The following PIEZO2 variants were observed in gnomAD, a reference collection of about 807,000 sequenced individuals.
PIEZO2 encodes piezo type mechanosensitive ion channel component 2.
PIEZO2 carries 172 observed loss-of-function variants against 337.3 expected under a neutral mutation model. The observed-to-expected ratio is 0.51, with a 90% confidence interval of 0.45 to 0.58. PIEZO2 has a LOEUF of 0.58. PIEZO2 is among the 20% of genes least tolerant of loss of function. The probability of loss-of-function intolerance (pLI) is 0.00; values close to 1 mark genes in which losing one functional copy is unlikely to be tolerated. For synonymous variants in PIEZO2, 1,251 were observed against 1,228.5 expected (o/e 1.02, Z -0.38); for missense variants, 3,028 against 3,391.3 (o/e 0.89, Z 2.66).
chr18:10,730,803 T>C (rs1220446560), intron 36 of PIEZO2, among the ~76,000 whole-genome samples: 1 of 152,200 alleles, frequency 6.6e-6, no homozygotes, highest in Non-Finnish European at 1.5e-5. Flanking sequence ...CTTGGCTCAC[T>C]GCAAGCTCCG....
intron 32 of PIEZO2, 23 bp downstream of exon 32, chr18:10,742,471 A>C: frequency 6.5e-7 from 1 of 1,536,906 alleles, no homozygotes; most frequent in Non-Finnish European, 8.7e-7. Context: ...AAACTTGAAT[A>C]AGAGGAAAAT....
intron 1 of PIEZO2, among the ~76,000 whole-genome samples, chr18:11,087,128 G>A (rs2038940669): frequency 6.6e-6 from 1 of 152,148 alleles, no homozygotes; most frequent in African/African-American, 2.4e-5. Context: ...ACCCTGTGAG[G>A]ACACAGCAAG....
chr18:11,093,165 T>A (rs2039149179), intron 1 of PIEZO2, among the ~76,000 whole-genome samples: 1 of 152,138 alleles, frequency 6.6e-6, no homozygotes, highest in African/African-American at 2.4e-5. Context: ...CTTTTCTCTC[T>A]CAATTATATA....
chr18:10,882,196 G>A (rs1418286784), intron 4 of PIEZO2, among the ~76,000 whole-genome samples: 4 of 152,210 alleles, frequency 2.6e-5, no homozygotes, highest in South Asian at 2.1e-4. Context: ...GGCTGATTCC[G>A]TGACCATGGC....
intron 4 of PIEZO2, among the ~76,000 whole-genome samples, chr18:10,901,759 A>C (rs921136485): frequency 6.6e-6 from 1 of 152,154 alleles, no homozygotes; most frequent in Non-Finnish European, 1.5e-5. Flanking sequence ...ATTCTTATCA[A>C]ATGGGGGCAA....
At chr18:11,108,065 C>T (rs183611504) in intron 1 of PIEZO2, among the ~76,000 whole-genome samples, 4 of 152,162 alleles carry the variant, frequency 2.6e-5, no homozygotes, top group African/African-American at 7.2e-5. Flanking sequence ...TAACTCAATA[C>T]AAGAGTTAGG....
chr18:10,801,171 T>A (rs1332897405), intron 10 of PIEZO2, among the ~76,000 whole-genome samples: 2 of 152,262 alleles, frequency 1.3e-5, no homozygotes, highest in Non-Finnish European at 1.5e-5. Context: ...AAAACACTTT[T>A]TAAAAAGCCC....
intron 1 of PIEZO2, among the ~76,000 whole-genome samples, chr18:11,123,100 T>C (rs1708694446): frequency 6.6e-6 from 1 of 152,184 alleles, no homozygotes; most frequent in Non-Finnish European, 1.5e-5. Flanking sequence ...ATAACAGCTC[T>C]AAAATCATTC....
chr18:11,006,689 T>C (rs1253778387), intron 2 of PIEZO2, among the ~76,000 whole-genome samples: 1 of 152,056 alleles, frequency 6.6e-6, no homozygotes, highest in African/African-American at 2.4e-5. Context: ...TTCCTTTCTT[T>C]CCTCCTCCCC....
intron 1 of PIEZO2, among the ~76,000 whole-genome samples, chr18:11,138,462 A>C (rs2040551015): frequency 6.6e-6 from 1 of 152,084 alleles, no homozygotes; most frequent in Non-Finnish European, 1.5e-5. Context: ...CACCCAGCTA[A>C]TTTTTGTATT....
chr18:10,837,506 T>G lies in PIEZO2; in HGVS notation c.917+17847A>C, dbSNP rs2041052642. ...ACCACCATGCACATCCTTTAGAATGTTGGGGCCAGCAAGAAAGCTTGAGAA... is the reference window on the plus strand; with the variant it reads ...ACCACCATGCACATCCTTTAGAATGGTGGGGCCAGCAAGAAAGCTTGAGAA... On this transcript the variant is annotated intron_variant, in intron 7 of 55. Transcript: ENST00000674853. This position sits in a 1 kb window ranked among gnomAD's most constrained non-coding sequence, Gnocchi z 4.4. 6.6e-6 allele frequency among the ~76,000 whole-genome samples: 1 copy of G among 152,158 alleles called. No individual in the cohort carries two copies. Among genetic ancestry groups the G allele is most frequent in the Non-Finnish European group, 1.5e-5 (1 of 68,028 alleles).
At chr18:11,121,131 T>C (rs2040018506) in intron 1 of PIEZO2, among the ~76,000 whole-genome samples, 1 of 152,074 alleles carries the variant, frequency 6.6e-6, no homozygotes, top group African/African-American at 2.4e-5. Flanking sequence ...TGCACGCCTG[T>C]AGTTCCACCT....
chr18:10,913,259 A>C (rs1177752615), intron 3 of PIEZO2, among the ~76,000 whole-genome samples: 1 of 152,182 alleles, frequency 6.6e-6, no homozygotes, highest in African/African-American at 2.4e-5. Context: ...CAGAGAATAC[A>C]TAACCTGTGG....
chr18:11,031,354 C>G lies in PIEZO2; in HGVS notation c.160+34773G>C, dbSNP rs1004418489. ...CCTTTCATAACCTTACAGTTGTCTC[C>G]CCAGAAAACACATTTCCTACGTCAT... On this transcript the variant is annotated intron_variant, in intron 2 of 55. Transcript: ENST00000674853. The surrounding 1 kb of genome is among the most constrained non-coding windows in gnomAD (Gnocchi z 4.7). 6.6e-6 allele frequency among the ~76,000 whole-genome samples: 1 copy of G among 151,642 alleles called. No individual in the cohort carries two copies. The highest frequency in any genetic ancestry group is 1.5e-5 in the Non-Finnish European group (1 of 67,936).
In PIEZO2 at chr18:10,727,871, G is replaced by A. The variant is rs2036601936; in HGVS notation, c.5029+3536C>T. ...CCCCTCCTGGACCAGGTGAGGTGCA[G>A]AGCGCCTTTTGTGTAAGTTACTGGT... On this transcript the variant is annotated intron_variant, in intron 36 of 55. Transcript: ENST00000674853. This position sits in a 1 kb window ranked among gnomAD's most constrained non-coding sequence, Gnocchi z 6.3. The A allele has an allele frequency of 6.6e-6, 1 of 152,006 alleles. No homozygotes were observed. The highest frequency in any genetic ancestry group is 2.1e-4 in the South Asian group (1 of 4,826). The allele number at this position is 152,006 out of a possible 1,614,324, so 9.4% of individuals were successfully genotyped here. A position where few individuals can be genotyped will look rare whatever the true frequency, so the allele number is the denominator to read the frequency against.
intron 3 of PIEZO2, among the ~76,000 whole-genome samples, chr18:10,937,903 C>T (rs2032495929): frequency 6.6e-6 from 1 of 152,156 alleles, no homozygotes; most frequent in Non-Finnish European, 1.5e-5. Flanking sequence ...CTTTAAAAAA[C>T]TGCTATAATT....
At position 11,148,724 on chromosome 18, in the gene PIEZO2, G is replaced by C; in HGVS notation, c.-136C>G. On this transcript the variant is annotated 5_prime_UTR_variant, in exon 1 of 56. Coordinates refer to ENST00000674853, the MANE Select transcript of PIEZO2 (RefSeq NM_001378183.1). The surrounding 1 kb of genome is among the most constrained non-coding windows in gnomAD (Gnocchi z 5.2). Reference sequence around the variant, plus strand: ...CCACCCGAGCATCGCCTCGGCGCGGGCCGCGACGCTCTCCGCCCCGAGGGC... The same window carrying C: ...CCACCCGAGCATCGCCTCGGCGCGGCCCGCGACGCTCTCCGCCCCGAGGGC... 1 of 899,942 alleles carries C rather than the reference G, an allele frequency of 1.1e-6. No homozygotes were observed. Among genetic ancestry groups the C allele is most frequent in the Non-Finnish European group, 1.7e-6 (1 of 599,044 alleles). 55.7% of individuals were successfully genotyped at this position (899,942 alleles called of 1,614,324 possible).
Position 11,070,957 on chromosome 18 carries a change from A to G in PIEZO2, c.65-4735T>C, listed in dbSNP as rs930549396. 6.6e-6 allele frequency among the ~76,000 whole-genome samples: 1 copy of G among 152,170 alleles called. No individual in the cohort carries two copies. The highest frequency in any genetic ancestry group is 1.5e-5 in the Non-Finnish European group (1 of 68,026). On this transcript the variant is annotated intron_variant, in intron 1 of 55. Transcript: ENST00000674853. This position sits in a 1 kb window ranked among gnomAD's most constrained non-coding sequence, Gnocchi z 4.3. ...CCCAGAATGCGGACAACAGGAGCATAGCACACTCCAGCCAAGGGTCTGCAT... is the reference window on the plus strand; with the variant it reads ...CCCAGAATGCGGACAACAGGAGCATGGCACACTCCAGCCAAGGGTCTGCAT...
chr18:11,120,451 G>T (rs1239558757), intron 1 of PIEZO2, among the ~76,000 whole-genome samples: 1 of 152,116 alleles, frequency 6.6e-6, no homozygotes, highest in Admixed American at 6.6e-5. Context: ...CTGGCAAAAA[G>T]AAAACAATGA....
Sources: gnomAD v4.1 joint callset for allele counts (sites outside exome capture counted in the v4.1 genomes callset) on GRCh38, gnomAD v4.1.1 for gene constraint, Gnocchi (gnomAD v3.1) non-coding constraint, MANE v1.5 for transcripts, NCBI Gene and HGNC (gene_info 2026-07-23, HGNC 2026-07-21) for gene names.